Variants in CPED1 observed in about 807,000 individuals in gnomAD.
CPED1 encodes the protein cadherin like and PC-esterase domain containing 1.
A neutral mutation model predicts 128.2 loss-of-function variants in CPED1; 114 were observed. The ratio of observed to expected loss-of-function variants is 0.89; its 90% confidence interval spans 0.76 to 1.04. CPED1 has a LOEUF of 1.04. Ranked by LOEUF, CPED1 falls within the 50% of genes least tolerant of loss-of-function variation. CPED1 has a pLI of 0.00. For missense variants in CPED1, 1,211 were observed against 1,207.1 expected (o/e 1.00, Z -0.05); for synonymous variants, 462 against 426.7 (o/e 1.08, Z -1.02).
At chr7:121,097,626 A>G in intron 5 of CPED1, 73 bp from the exon 6 acceptor site, 5 of 1,549,998 alleles carry the variant, frequency 3.2e-6, no homozygotes, top group African/African-American at 1.4e-5. Flanking sequence ...TTAATACAGC[A>G]TACTCTATTT....
chr7:121,137,112 T>C (rs951998615), intron 14 of CPED1, among the ~76,000 whole-genome samples: 4 of 151,714 alleles, frequency 2.6e-5, no homozygotes, highest in Non-Finnish European at 5.9e-5. Context: ...AAATAAAAAA[T>C]CAATTTCAGT....
chr7:121,187,048 T>G (rs1304218038), intron 16 of CPED1, among the ~76,000 whole-genome samples: 2 of 152,194 alleles, frequency 1.3e-5, no homozygotes, highest in Non-Finnish European at 2.9e-5. Flanking sequence ...TGGGGTACAG[T>G]GGGTACCCAC....
intron 16 of CPED1, among the ~76,000 whole-genome samples, chr7:121,180,940 CTG>C (rs751690224): frequency 6.6e-6 from 1 of 152,008 alleles, no homozygotes; most frequent in African/African-American, 2.4e-5. Flanking sequence ...AGGGTTGAAA[CTG>C]TGACTGTATG....
In CPED1 at chr7:121,201,537, AAG is replaced by A. The variant is rs372209722; in HGVS notation, c.2056-35175_2056-35174del. ...GAGAAAGAGAGGAAAGGAAGGAAGG[AAG>A]AAAGGAAGGAAGGAAGGAGAAAATT... is the stretch of plus-strand genomic sequence containing the variant. On this transcript the variant is annotated intron_variant, in intron 16 of 22. Coordinates refer to ENST00000310396, the MANE Select transcript of CPED1 (RefSeq NM_024913.5). Among the ~76,000 whole-genome samples, 338 of 151,716 alleles carry A rather than the reference AAG, an allele frequency of 2.2e-3. 2 individuals carry two copies. Among genetic ancestry groups the A allele is most frequent in the Non-Finnish European group, 3.6e-3 (241 of 67,844 alleles).
chr7:121,120,964 C>T (rs1205466793), intron 7 of CPED1, among the ~76,000 whole-genome samples: 1 of 103,472 alleles, frequency 9.7e-6, no homozygotes, highest in Non-Finnish European at 1.9e-5. Context: ...CAGTTCCTGA[C>T]CTAAAAAAAA....
chr7:121,139,749 A>AG (rs1228618748), intron 14 of CPED1, among the ~76,000 whole-genome samples: 1 of 152,074 alleles, frequency 6.6e-6, no homozygotes, highest in Non-Finnish European at 1.5e-5. Context: ...ACGTAAAAGC[A>AG]GGGGAAAAAA....
intron 20 of CPED1, 41 bp downstream of exon 20, chr7:121,266,849 C>T (rs890513528): frequency 7.0e-7 from 1 of 1,428,422 alleles, no homozygotes; most frequent in African/African-American, 1.4e-5. Context: ...TATTCTAAGT[C>T]AAAAAAGTTA....
At chr7:121,045,129 T>C (rs1157553637) in intron 3 of CPED1, among the ~76,000 whole-genome samples, 7 of 152,198 alleles carry the variant, frequency 4.6e-5, no homozygotes, top group Non-Finnish European at 1.0e-4. Flanking sequence ...GTTTTGTCTA[T>C]AGGAATCTAT....
intron 3 of CPED1, among the ~76,000 whole-genome samples, chr7:121,022,525 C>A (rs762080693): frequency 1.3e-5 from 2 of 151,844 alleles, no homozygotes; most frequent in African/African-American, 2.4e-5. Context: ...TCTTTCTATA[C>A]ATATTCAGTT....
intron 7 of CPED1, among the ~76,000 whole-genome samples, chr7:121,110,108 A>T (rs1795071492): frequency 6.6e-6 from 1 of 152,148 alleles, no homozygotes; most frequent in Admixed American, 6.6e-5. Context: ...AAACTCTATG[A>T]CCTTAGACAA....
chr7:121,182,235 T>G (rs562116089), intron 16 of CPED1, among the ~76,000 whole-genome samples: 1 of 148,482 alleles, frequency 6.7e-6, no homozygotes, highest in Non-Finnish European at 1.5e-5. Flanking sequence ...TGATGTTACA[T>G]TTCCAGAAAA....
At chr7:121,020,628 C>T (rs16870531) in intron 3 of CPED1, among the ~76,000 whole-genome samples, 34,803 of 151,610 alleles carry the variant, frequency 0.23, 4,396 homozygotes, top group East Asian at 0.42. Context: ...TGAAGGTTTA[C>T]AATAAAATAT....
At chr7:121,213,383 T>G (rs1797689474) in intron 16 of CPED1, among the ~76,000 whole-genome samples, 1 of 152,078 alleles carries the variant, frequency 6.6e-6, no homozygotes, top group Admixed American at 6.6e-5. Context: ...AATGCCATAG[T>G]GCATCTGAAG....
At chr7:121,060,071 GGCCGGCCCT>G (rs1326827709) in intron 4 of CPED1, among the ~76,000 whole-genome samples, 4 of 152,192 alleles carry the variant, frequency 2.6e-5, no homozygotes, top group Admixed American at 2.6e-4. Context: ...CGGAGCAGCC[GGCCGGCCCT>G]GCCGGCCCGG....
At chr7:121,177,449 A>G (rs1406638638) in intron 16 of CPED1, among the ~76,000 whole-genome samples, 1 of 152,020 alleles carries the variant, frequency 6.6e-6, no homozygotes, top group African/African-American at 2.4e-5. Context: ...CCAATTTTTT[A>G]TATTTTTCTA....
chr7:121,002,143 A>T (rs1486843100), intron 2 of CPED1, among the ~76,000 whole-genome samples: 1 of 152,184 alleles, frequency 6.6e-6, no homozygotes, highest in Non-Finnish European at 1.5e-5. Context: ...GCTACAATTG[A>T]GTTTCCTCTT....
intron 2 of CPED1, among the ~76,000 whole-genome samples, chr7:120,992,651 G>A (rs868336895): frequency 1.3e-5 from 2 of 152,278 alleles, no homozygotes; most frequent in Middle Eastern, 3.4e-3. Context: ...ATTAGAACAA[G>A]TGTTTCAGTG....
At chr7:121,184,384 A>G (rs1266927465) in intron 16 of CPED1, among the ~76,000 whole-genome samples, 1 of 152,184 alleles carries the variant, frequency 6.6e-6, no homozygotes, top group Non-Finnish European at 1.5e-5. Context: ...TTCATTTCAG[A>G]TAAATGAGAA....
intron 22 of CPED1, among the ~76,000 whole-genome samples, chr7:121,275,467 C>T (rs557456504): frequency 6.6e-6 from 1 of 152,116 alleles, no homozygotes; most frequent in African/African-American, 2.4e-5. Context: ...GGTTATGTGG[C>T]AAACACCTAC....
Sources: allele counts gnomAD v4.1 joint callset (sites outside exome capture counted in the v4.1 genomes callset), GRCh38; gene constraint gnomAD v4.1.1; transcripts MANE v1.5; gene names NCBI Gene and HGNC (gene_info 2026-07-23, HGNC 2026-07-21).